The following NBEA variants were observed in gnomAD, a reference collection of about 807,000 sequenced individuals.
The protein encoded by NBEA is neurobeachin.
NBEA carries 44 observed loss-of-function variants against 343.4 expected under a neutral mutation model. The ratio of observed to expected loss-of-function variants is 0.13; its 90% CI spans 0.10 to 0.16. NBEA has a LOEUF of 0.16. NBEA is among the 10% of genes least tolerant of loss of function. NBEA has a pLI of 1.00. For missense variants in NBEA, 2,555 were observed against 3,631.3 expected (o/e 0.70, Z 7.62); for synonymous variants, 1,175 against 1,238.7 (o/e 0.95, Z 1.08).
At chr13:35,484,001 T>G (rs1046821302) in intron 41 of NBEA, among the ~76,000 whole-genome samples, 1 of 151,974 alleles carries the variant, frequency 6.6e-6, no homozygotes, top group African/African-American at 2.4e-5. Flanking sequence ...GGAAGTAATA[T>G]CCACATCCAC....
chr13:35,113,475 A>G (rs1257850412), intron 13 of NBEA, among the ~76,000 whole-genome samples: 1 of 152,112 alleles, frequency 6.6e-6, no homozygotes, highest in Non-Finnish European at 1.5e-5. Flanking sequence ...TAGTTTGTTG[A>G]TGATTCTTAC....
chr13:35,306,509 A>G (rs2036901375), intron 35 of NBEA, among the ~76,000 whole-genome samples: 1 of 151,916 alleles, frequency 6.6e-6, no homozygotes, highest in Non-Finnish European at 1.5e-5. Flanking sequence ...ATATCTTCAT[A>G]TGTCCCAGTT....
chr13:35,565,527 A>G (rs986715460), intron 44 of NBEA, among the ~76,000 whole-genome samples: 2 of 152,186 alleles, frequency 1.3e-5, no homozygotes, highest in African/African-American at 2.4e-5. Flanking sequence ...GGCATACTGG[A>G]TGAAACTCAT....
chr13:35,224,042 T>A (rs1322606107), intron 33 of NBEA, among the ~76,000 whole-genome samples: 1 of 152,166 alleles, frequency 6.6e-6, no homozygotes, highest in Non-Finnish European at 1.5e-5. Flanking sequence ...GCGCATGGCC[T>A]CCTACATTCG....
intron 11 of NBEA, among the ~76,000 whole-genome samples, chr13:35,106,300 A>G (rs1256621518): frequency 6.6e-6 from 1 of 152,010 alleles, no homozygotes; most frequent in Non-Finnish European, 1.5e-5. Context: ...ACCAAAATAT[A>G]AAAATATTTT....
intron 10 of NBEA, among the ~76,000 whole-genome samples, chr13:35,085,549 C>T (rs1228456681): frequency 2.0e-5 from 3 of 152,124 alleles, no homozygotes; most frequent in Non-Finnish European, 4.4e-5. Context: ...ATGCTAAAAA[C>T]TCTTAATAAA....
At chr13:35,069,826 T>G (rs1429671779) in intron 8 of NBEA, 82 bp from the exon 9 acceptor site, 1 of 974,220 alleles carries the variant, frequency 1.0e-6, no homozygotes, top group Non-Finnish European at 1.5e-6. Flanking sequence ...AGTTTATTAT[T>G]GTAAATGTTT....
In NBEA at chr13:34,959,857, T is replaced by C. The variant is rs1205932485; in HGVS notation, c.294+16743T>C. On this transcript the variant is annotated intron_variant, in intron 1 of 58. Coordinates refer to ENST00000379939, the MANE Select transcript of NBEA (RefSeq NM_001385012.1). ...GGTGATGGTGGTGTAAACAAACCTA[T>C]TGCACTGCTAGTTGTATAAAGGTAT... Among the ~76,000 whole-genome samples, 9 of 152,170 alleles carry C rather than the reference T, an allele frequency of 5.9e-5. No homozygotes were observed. In the East Asian group the frequency reaches 1.7e-3, roughly 29 times the overall value.
chr13:35,463,905 A>T (rs2047036776), intron 40 of NBEA, among the ~76,000 whole-genome samples: 1 of 152,160 alleles, frequency 6.6e-6, no homozygotes, highest in South Asian at 2.1e-4. Context: ...AAGAGGAAAG[A>T]TATATTTCCA....
chr13:35,007,744 T>C (rs2152530166), intron 1 of NBEA, among the ~76,000 whole-genome samples: 1 of 152,290 alleles, frequency 6.6e-6, no homozygotes, highest in South Asian at 2.1e-4. Context: ...TTGCCCGCAT[T>C]GGCCTCTCAA....
intron 41 of NBEA, among the ~76,000 whole-genome samples, chr13:35,478,943 G>C (rs968592646): frequency 2.6e-5 from 4 of 152,240 alleles, no homozygotes; most frequent in African/African-American, 4.8e-5. Context: ...GATGCCGGTC[G>C]GGCCTGGCTG....
In NBEA at chr13:35,593,452, G is replaced by A; in HGVS notation, c.7296+5G>A. 1.3e-6 allele frequency: 2 copies of A among 1,591,012 alleles called. No individual in the cohort carries two copies. Among genetic ancestry groups the A allele is most frequent in the Non-Finnish European group, 1.7e-6 (2 of 1,172,492 alleles). The stretch of plus-strand genomic sequence containing the variant: ...AGAGATACTTCTGATGTAAAGGTAG[G>A]CTCTTTTATTTGTTGATATTCATTA... On this transcript the variant is annotated splice_donor_5th_base_variant and intron_variant, in intron 47 of 58. Transcript: ENST00000379939.
chr13:34,979,112 A>G (rs546585940), intron 1 of NBEA, among the ~76,000 whole-genome samples: 4 of 152,150 alleles, frequency 2.6e-5, no homozygotes, highest in Non-Finnish European at 5.9e-5. Context: ...AGCATTTCAT[A>G]TGGTCAGCTC....
At chr13:35,651,674 T>G in intron 52 of NBEA, 131 bp from the exon 53 acceptor site, 1 of 667,230 alleles carries the variant, frequency 1.5e-6, no homozygotes, top group Non-Finnish European at 2.7e-6. Context: ...ACACATAGTA[T>G]CAGAACAATT....
Position 35,654,982 on chromosome 13 carries a change from G to T in NBEA, c.8163G>T (p.Lys2721Asn). 6.4e-7 allele frequency: 1 copy of T among 1,555,998 alleles called. No homozygotes were observed. The highest frequency in any genetic ancestry group is 1.3e-5 in the South Asian group (1 of 79,532). ...RYILICGFWD[K>N]SFRVYSTETG... ...TTCTTATCTGTGGATTCTGGGATAA[G>T]AGCTTCAGAGTTTATTCTACAGAAA... is the stretch of plus-strand genomic sequence containing the variant. The change falls in exon 54 of 59, where the codon AAG (lysine) becomes AAT (asparagine). Residue 2721 changes from lysine (K) to asparagine (N), a missense_variant. By Grantham distance (94) the Lys-to-Asn change is moderately conservative. This residue lies in a region of NBEA where 186 missense variants were observed against 328.9 expected (regional missense o/e 0.57). Coordinates refer to ENST00000379939, the MANE Select transcript of NBEA (RefSeq NM_001385012.1).
At chr13:35,493,694 A>G (rs1288926603) in intron 41 of NBEA, among the ~76,000 whole-genome samples, 3 of 151,974 alleles carry the variant, frequency 2.0e-5, no homozygotes, top group Non-Finnish European at 2.9e-5. Flanking sequence ...AATAGAATAT[A>G]CAATCTTTAT....
chr13:35,219,712 C>T (rs187387589), intron 33 of NBEA, among the ~76,000 whole-genome samples: 9 of 152,186 alleles, frequency 5.9e-5, no homozygotes, highest in Admixed American at 5.2e-4. Context: ...GATACAAGTT[C>T]CTATCCAAAA....
chr13:35,268,201 A>T (rs1200952652), intron 34 of NBEA, among the ~76,000 whole-genome samples: 2 of 152,126 alleles, frequency 1.3e-5, no homozygotes, highest in Non-Finnish European at 2.9e-5. Flanking sequence ...CATATAATGC[A>T]ACATGAATGA....
chr13:35,597,660 T>G (rs1267614059), intron 47 of NBEA, among the ~76,000 whole-genome samples: 1 of 152,182 alleles, frequency 6.6e-6, no homozygotes, highest in Admixed American at 6.5e-5. Context: ...CTCACCTAAG[T>G]TCACACGCAG....
Sources: allele counts gnomAD v4.1 joint callset (sites outside exome capture counted in the v4.1 genomes callset), GRCh38; gene constraint gnomAD v4.1.1; regional missense constraint gnomAD v4.1.1; transcripts MANE v1.5; gene names NCBI Gene and HGNC (gene_info 2026-07-23, HGNC 2026-07-21).